Variants in FRMD5 observed in about 807,000 individuals in gnomAD.
FRMD5 encodes the protein FERM domain-containing protein 5.
Under a neutral mutation model 69.0 loss-of-function variants are expected in FRMD5, and 20 were observed. The ratio of observed to expected loss-of-function variants is 0.29; its 90% CI spans 0.20 to 0.42. The LOEUF (loss-of-function observed/expected upper bound fraction) is 0.42. Ranked by LOEUF, FRMD5 falls within the 10% of genes least tolerant of loss-of-function variation. FRMD5 has a pLI of 1.00. For missense variants in FRMD5, 595 were observed against 708.6 expected (o/e 0.84, Z 1.82); for synonymous variants, 271 against 260.1 (o/e 1.04, Z -0.40).
chr15:44,104,555 C>A (rs575426114), intron 1 of FRMD5, among the ~76,000 whole-genome samples: 1 of 152,080 alleles, frequency 6.6e-6, no homozygotes, highest in Non-Finnish European at 1.5e-5. Context: ...ATGTTTCATA[C>A]GTTAAAGATG....
intron 1 of FRMD5, among the ~76,000 whole-genome samples, chr15:44,115,496 A>G (rs752109732): frequency 9.2e-5 from 14 of 152,198 alleles, no homozygotes; most frequent in Admixed American, 3.3e-4. Context: ...CAGATCTTTA[A>G]TAACATTTTG....
intron 1 of FRMD5, among the ~76,000 whole-genome samples, chr15:43,934,557 A>G (rs2089727195): frequency 6.6e-6 from 1 of 152,248 alleles, no homozygotes; most frequent in African/African-American, 2.4e-5. Flanking sequence ...AGTAAATGGA[A>G]AGAGTAACTA....
At chr15:43,911,371 T>G (rs1042465917) in intron 4 of FRMD5, among the ~76,000 whole-genome samples, 24 of 152,228 alleles carry the variant, frequency 1.6e-4, no homozygotes, top group Admixed American at 1.5e-3. Context: ...CTTGGATCAC[T>G]CATTCTTCTT....
chr15:44,164,387 T>A lies in FRMD5; in HGVS notation c.102+30566A>T, dbSNP rs549605083. On this transcript the variant is annotated intron_variant, in intron 1 of 13. Transcript: ENST00000417257. ...ATGTTCACATATTATTGGTCATTTT[T>A]TTTTTGCAGATGCACTATTCTGCAA... 2.2e-3 allele frequency among the ~76,000 whole-genome samples: 339 copies of A among 152,334 alleles called. 2 individuals carry two copies. The highest frequency in any genetic ancestry group is 7.7e-3 in the African/African-American group (318 of 41,558).
chr15:43,902,770 G>A (rs987017284), intron 6 of FRMD5, among the ~76,000 whole-genome samples: 1 of 151,974 alleles, frequency 6.6e-6, no homozygotes, highest in Non-Finnish European at 1.5e-5. Flanking sequence ...ATTTTTATGT[G>A]GTATTTCACA....
At chr15:43,934,413 A>G (rs761573301) in intron 1 of FRMD5, among the ~76,000 whole-genome samples, 1 of 152,212 alleles carries the variant, frequency 6.6e-6, no homozygotes, top group Non-Finnish European at 1.5e-5. Flanking sequence ...CAAAGTAATA[A>G]CATCCCAGGT....
intron 1 of FRMD5, among the ~76,000 whole-genome samples, chr15:44,139,409 G>C (rs1187591902): frequency 6.7e-6 from 1 of 149,990 alleles, no homozygotes; most frequent in African/African-American, 2.5e-5. Context: ...AATAGAAAAA[G>C]AAAAAAATCA....
intron 10 of FRMD5, 76 bp downstream of exon 10, chr15:43,888,099 C>T: frequency 8.8e-7 from 1 of 1,137,998 alleles, no homozygotes; most frequent in Non-Finnish European, 1.3e-6. Flanking sequence ...AGTTCCTGGG[C>T]ACTTGGCCTC....
At chr15:44,070,380 C>T (rs770336162) in intron 1 of FRMD5, among the ~76,000 whole-genome samples, 1 of 150,602 alleles carries the variant, frequency 6.6e-6, no homozygotes, top group African/African-American at 2.4e-5. Context: ...TGAGAGTCTG[C>T]TTCTGTTCCA....
chr15:44,109,374 A>G (rs985962899), intron 1 of FRMD5, among the ~76,000 whole-genome samples: 3 of 152,084 alleles, frequency 2.0e-5, no homozygotes, highest in African/African-American at 7.2e-5. Flanking sequence ...TTGACAGAAT[A>G]TTTTCCCATT....
intron 1 of FRMD5, among the ~76,000 whole-genome samples, chr15:43,960,663 C>T (rs996355372): frequency 5.3e-5 from 8 of 152,182 alleles, no homozygotes; most frequent in South Asian, 2.1e-4. Flanking sequence ...GGATTACAGG[C>T]GTGAGCCACC....
intron 7 of FRMD5, among the ~76,000 whole-genome samples, chr15:43,901,633 C>T (rs776442295): frequency 1.3e-5 from 2 of 152,166 alleles, no homozygotes; most frequent in East Asian, 1.9e-4. Flanking sequence ...TGGCTGCCCC[C>T]GCTCATCTCC....
At chr15:43,879,208 A>AT in intron 13 of FRMD5, among the ~76,000 whole-genome samples, 1 of 152,232 alleles carries the variant, frequency 6.6e-6, no homozygotes, top group South Asian at 2.1e-4. Flanking sequence ...AAGTGCTGGG[A>AT]TTACAGGCAT....
chr15:43,975,359 C>G (rs1018509662), intron 1 of FRMD5, among the ~76,000 whole-genome samples: 5 of 152,048 alleles, frequency 3.3e-5, no homozygotes, highest in Non-Finnish European at 7.4e-5. Flanking sequence ...ATCAATAAAA[C>G]AAACAAACAC....
rs1394838008 is a variant in FRMD5, at chr15:44,057,126, T to A, written c.103-132817A>T. ...AATTCCCTCTCCCTCTTTGCTCTTA[T>A]GAACTGTTCTATTTTTTTTTTTTTT... On this transcript the variant is annotated intron_variant, in intron 1 of 13. Transcript: ENST00000417257. Among the ~76,000 whole-genome samples the A allele has an allele frequency of 2.4e-5, 3 of 127,428 alleles. No homozygotes were observed. In the East Asian group the frequency reaches 7.4e-4, roughly 31 times the overall value. 83.6% of individuals were successfully genotyped at this position (127,428 alleles called of 152,430 possible).
At position 43,919,780 on chromosome 15, in the gene FRMD5, C is replaced by T; in HGVS notation, c.237G>A (p.Val79=). The T allele has an allele frequency of 6.2e-7, 1 of 1,614,074 alleles. No homozygotes were observed. The highest frequency in any genetic ancestry group is 8.5e-7 in the Non-Finnish European group (1 of 1,179,936). The change falls in exon 3 of 14, where the codon GTG becomes GTA. Residue 79 remains valine (V), a synonymous_variant. Transcript: ENST00000417257. ...GAGAATACTTACATCTCAATTGTTT[C>T]ACCACAGACTTTGTAAATTCCAGCC... ...RHWLEFTKSV[V]KQLRSQPPFT...
In FRMD5 at chr15:43,873,992, G is replaced by A. The variant is rs1239197787; in HGVS notation, c.1606C>T (p.Arg536Cys). 1 of 1,614,134 alleles carries A rather than the reference G, an allele frequency of 6.2e-7. No homozygotes were observed. Among genetic ancestry groups the A allele is most frequent in the Non-Finnish European group, 8.5e-7 (1 of 1,180,032 alleles). The change falls in exon 14 of 14, where the codon CGC (arginine) becomes TGC (cysteine). Residue 536 changes from arginine to cysteine, a missense_variant. This residue lies in a region of FRMD5 where 245 missense variants were observed against 227.1 expected (regional missense o/e 1.08). Coordinates refer to ENST00000417257, the MANE Select transcript of FRMD5 (RefSeq NM_032892.5). ...AATTGTTCAAACTCGGGGGTCTGGC[G>A]GATATCACGGAAAAAGGCAATGTCA... ...DLDIAFFRDI[R>C]QTPEFEQFHY...
At chr15:43,920,416 C>A (rs1292836614) in intron 2 of FRMD5, among the ~76,000 whole-genome samples, 1 of 152,140 alleles carries the variant, frequency 6.6e-6, no homozygotes, top group African/African-American at 2.4e-5. Context: ...GTTTTAAAAT[C>A]TAAATCTCAA....
chr15:44,024,530 C>T (rs1026531984), intron 1 of FRMD5, among the ~76,000 whole-genome samples: 1 of 152,112 alleles, frequency 6.6e-6, no homozygotes, highest in Non-Finnish European at 1.5e-5. Flanking sequence ...ACTTATATTT[C>T]CCTAATTGCT....
Sources: gnomAD v4.1 joint callset for allele counts (sites outside exome capture counted in the v4.1 genomes callset) on GRCh38, gnomAD v4.1.1 for gene constraint, gnomAD v4.1.1 regional missense constraint, MANE v1.5 for transcripts, NCBI Gene and HGNC (gene_info 2026-07-23, HGNC 2026-07-21) for gene names.